The following SOAT2 variants were observed in gnomAD, a reference collection of about 807,000 sequenced individuals.
The protein encoded by SOAT2 is sterol O-acyltransferase 2.
SOAT2 carries 87 observed loss-of-function variants against 76.0 expected under a neutral mutation model. The observed-to-expected ratio is 1.14, with a 90% CI of 0.96 to 1.37. The LOEUF is 1.37. Ranked by LOEUF, SOAT2 falls within the 40% of genes most tolerant of loss-of-function variation. The pLI, the probability that SOAT2 is intolerant of heterozygous loss-of-function variation, is 0.00. For missense variants in SOAT2, 686 were observed against 682.1 expected (o/e 1.01, Z -0.06); for synonymous variants, 285 against 275.4 (o/e 1.03, Z -0.34).
intron 11 of SOAT2, 23 bp from the exon 12 acceptor site, chr12:53,121,280 C>A (rs367901323): frequency 4.9e-5 from 78 of 1,579,360 alleles, no homozygotes; most frequent in Non-Finnish European, 6.1e-5. Flanking sequence ...TCCTTTCCCC[C>A]ACTCTGACCC....
Position 53,124,479 on chromosome 12 carries a change from T to C in SOAT2, c.*356T>C, listed in dbSNP as rs1264161564. 1 of 298,312 alleles carries C rather than the reference T, an allele frequency of 3.4e-6. No homozygotes were observed. Among genetic ancestry groups the C allele is most frequent in the Non-Finnish European group, 6.3e-6 (1 of 159,376 alleles). 18.5% of individuals were successfully genotyped at this position (298,312 alleles called of 1,614,324 possible). A position where few individuals can be genotyped will look rare whatever the true frequency, so the allele number is the denominator to read the frequency against. On this transcript the variant is annotated 3_prime_UTR_variant, in exon 15 of 15. Coordinates refer to ENST00000301466, the MANE Select transcript of SOAT2 (RefSeq NM_003578.4). The stretch of plus-strand genomic sequence containing the variant: ...CCACCAAGGTTGGAAAAGGGTTTGG[T>C]TCTTGACTTTGTATTCCTTCCAATA...
At chr12:53,118,074 G>A (rs762079922) in intron 7 of SOAT2, among the ~76,000 whole-genome samples, 8 of 152,220 alleles carry the variant, frequency 5.3e-5, no homozygotes, top group Non-Finnish European at 1.0e-4. Flanking sequence ...GAACGTGTGG[G>A]TACCAAATGA....
At chr12:53,114,285 CT>C (rs1242040796) in intron 5 of SOAT2, among the ~76,000 whole-genome samples, 1 of 152,076 alleles carries the variant, frequency 6.6e-6, no homozygotes, top group African/African-American at 2.4e-5. Context: ...ACAAAATCTA[CT>C]GCTAGGTTTG....
At chr12:53,116,303 C>G in intron 7 of SOAT2, 137 bp downstream of exon 7, 2 of 704,804 alleles carry the variant, frequency 2.8e-6, no homozygotes, top group Non-Finnish European at 4.9e-6. Context: ...TGGCATCCAG[C>G]TGGGCTCTGT....
chr12:53,103,691 G>A (rs1218778051), intron 1 of SOAT2, 32 bp downstream of exon 1: 2 of 1,465,408 alleles, frequency 1.4e-6, no homozygotes, highest in African/African-American at 2.8e-5. Context: ...AGAAGGCACA[G>A]GCAAGTGGGG....
At chr12:53,117,778 A>G (rs1419511279) in intron 7 of SOAT2, among the ~76,000 whole-genome samples, 1 of 152,092 alleles carries the variant, frequency 6.6e-6, no homozygotes, top group Non-Finnish European at 1.5e-5. Flanking sequence ...CTCTCCAGTT[A>G]TGTATCCCCA....
At position 53,120,859 on chromosome 12, in the gene SOAT2, A is replaced by T; in HGVS notation, c.1113A>T (p.Arg371=). Residue 371 remains arginine, a synonymous_variant, in exon 11 of 15, where the codon CGA becomes CGT. Transcript: ENST00000301466. ...TCAACGCCTTTGCCGAGATGCTACG[A>T]TTTGGAGACAGGATGTTCTACCGGG... ...CWLNAFAEML[R]FGDRMFYRDW... is the part of the protein sequence containing the mutation. 5.0e-6 allele frequency: 8 copies of T among 1,613,862 alleles called. No homozygotes were observed. The highest frequency in any genetic ancestry group is 6.8e-6 in the Non-Finnish European group (8 of 1,179,882).
At position 53,105,633 on chromosome 12, in the gene SOAT2, G is replaced by A. The variant is rs773925504; in HGVS notation, c.335+13G>A. Reference sequence around the variant, plus strand: ...AGTCCCTGCTTGAGTAAGTCGGGGTGATGACAAGTAATGGGAGGAAAAGAA... The same window carrying A: ...AGTCCCTGCTTGAGTAAGTCGGGGTAATGACAAGTAATGGGAGGAAAAGAA... On this transcript the variant is annotated intron_variant, in intron 4 of 14. Coordinates refer to ENST00000301466, the MANE Select transcript of SOAT2 (RefSeq NM_003578.4). 4 of 1,605,490 alleles carry A rather than the reference G, an allele frequency of 2.5e-6. No homozygotes were observed.
rs1480844201 is a variant in SOAT2, at chr12:53,120,782, C to G, written c.1040-4C>G. On this transcript the variant is annotated splice_region_variant and splice_polypyrimidine_tract_variant and intron_variant, in intron 10 of 14. Coordinates refer to ENST00000301466, the MANE Select transcript of SOAT2 (RefSeq NM_003578.4). ...ACCTGCAGCCTCTTGTCCCCAACCA[C>G]CAGGCATCTTCATGCTGCTGCTCAT... The G allele has an allele frequency of 6.2e-7, 1 of 1,612,008 alleles. No individual in the cohort carries two copies. Among genetic ancestry groups the G allele is most frequent in the East Asian group, 2.2e-5 (1 of 44,872 alleles).
intron 5 of SOAT2, among the ~76,000 whole-genome samples, chr12:53,113,421 G>A (rs528388985): frequency 1.6e-4 from 24 of 152,294 alleles, no homozygotes; most frequent in African/African-American, 5.8e-4. Context: ...CCCTCGGGAG[G>A]GTCCCCAGGA....
chr12:53,104,230 G>C (rs1273505047), intron 2 of SOAT2, 24 bp downstream of exon 2: 1 of 1,592,110 alleles, frequency 6.3e-7, no homozygotes, highest in Admixed American at 1.7e-5. Flanking sequence ...GAGGTCAGAG[G>C]TCAAGTGGAC....
intron 5 of SOAT2, among the ~76,000 whole-genome samples, chr12:53,110,693 G>A (rs1053493320): frequency 6.6e-5 from 10 of 151,916 alleles, no homozygotes; most frequent in Admixed American, 6.6e-5. Flanking sequence ...AGAATCTAAC[G>A]CTCCAAAATA....
chr12:53,113,838 T>C (rs1938059734), intron 5 of SOAT2, among the ~76,000 whole-genome samples: 1 of 152,204 alleles, frequency 6.6e-6, no homozygotes, highest in Non-Finnish European at 1.5e-5. Context: ...TAAGTTTACT[T>C]AATCTAAATG....
At chr12:53,112,789 T>A (rs1040127298) in intron 5 of SOAT2, among the ~76,000 whole-genome samples, 6 of 149,108 alleles carry the variant, frequency 4.0e-5, no homozygotes, top group African/African-American at 1.5e-4. Context: ...CTTTTTTTTT[T>A]TTTTTTTTTA....
In SOAT2 at chr12:53,119,172, G is replaced by A; in HGVS notation, c.958G>A (p.Val320Ile). Residue 320 changes from valine (V) to isoleucine (I), a missense_variant, in exon 10 of 15, where the codon GTT becomes ATT. By Grantham distance (29) the Val-to-Ile change is conservative. Transcript: ENST00000301466. ...YACFILGRLC[V>I]PVFANMSREP... is the part of the protein sequence containing the mutation. ...CTGCTTCATCCTGGGCCGCCTCTGT[G>A]TTCCTGTCTTTGCCAACATGAGCCG... is the stretch of plus-strand genomic sequence containing the variant. 6.2e-7 allele frequency: 1 copy of A among 1,613,844 alleles called. No homozygotes were observed. The highest frequency in any genetic ancestry group is 8.5e-7 in the Non-Finnish European group (1 of 1,179,932).
chr12:53,117,117 C>T (rs1316127851), intron 7 of SOAT2, among the ~76,000 whole-genome samples: 2 of 151,840 alleles, frequency 1.3e-5, no homozygotes, highest in Non-Finnish European at 2.9e-5. Context: ...TGTCACCACA[C>T]CCAGCTAACT....
In SOAT2 at chr12:53,123,591, A is replaced by G. The variant is rs1592281019; in HGVS notation, c.1373-137A>G. 26 of 1,022,312 alleles carry G rather than the reference A, an allele frequency of 2.5e-5. 1 individual carries two copies. The highest frequency in any genetic ancestry group is 1.9e-4 in the African/African-American group (12 of 62,534). 63.3% of individuals were successfully genotyped at this position (1,022,312 alleles called of 1,614,324 possible). A position where few individuals can be genotyped will look rare whatever the true frequency, so the allele number is the denominator to read the frequency against. On this transcript the variant is annotated intron_variant, in intron 13 of 14. Coordinates refer to ENST00000301466, the MANE Select transcript of SOAT2 (RefSeq NM_003578.4). ...CATGGGCCACTTTAGACCTCTACGA[A>G]TTTCTGCACCTGAGTTCAAGATCTT...
At position 53,105,558 on chromosome 12, in the gene SOAT2, C is replaced by T. The variant is rs760844878; in HGVS notation, c.276-3C>T. ...CTGACCCTGAACAAACATCTCAATT[C>T]AGGACCCAGGAGCCATCCCTGGGGA... On this transcript the variant is annotated splice_region_variant and splice_polypyrimidine_tract_variant and intron_variant, in intron 3 of 14. Coordinates refer to ENST00000301466, the MANE Select transcript of SOAT2 (RefSeq NM_003578.4). 2.5e-6 allele frequency: 4 copies of T among 1,610,664 alleles called. No homozygotes were observed. Among genetic ancestry groups the T allele is most frequent in the Non-Finnish European group, 3.4e-6 (4 of 1,178,024 alleles).
rs1277538755 is a variant in SOAT2 at position 53,103,488 on chromosome 12, G to A, written c.-90G>A. On this transcript the variant is annotated 5_prime_UTR_variant, in exon 1 of 15. It adds an upstream start codon to the 5' untranslated region. Coordinates refer to ENST00000301466, the MANE Select transcript of SOAT2 (RefSeq NM_003578.4). ...TCTTTGGAGCTGTCACCTGAGCTGA[G>A]TGGGACAAGAGCTCTACAGGGCAGG... 1.7e-6 allele frequency: 2 copies of A among 1,203,352 alleles called. No homozygotes were observed. The highest frequency in any genetic ancestry group is 1.2e-6 in the Non-Finnish European group (1 of 845,492). 74.5% of individuals were successfully genotyped at this position (1,203,352 alleles called of 1,614,324 possible). A position where few individuals can be genotyped will look rare whatever the true frequency, so the allele number is the denominator to read the frequency against.
Sources: allele counts gnomAD v4.1 joint callset (sites outside exome capture counted in the v4.1 genomes callset), GRCh38; gene constraint gnomAD v4.1.1; transcripts MANE v1.5; gene names NCBI Gene and HGNC (gene_info 2026-07-23, HGNC 2026-07-21).